AKAIN1: variants seen among roughly 807,000 people sequenced by gnomAD.
The protein encoded by AKAIN1 is A-kinase anchor protein inhibitor 1.
AKAIN1 carries 3 observed loss-of-function variants against 3.7 expected under a neutral mutation model. That is an observed-to-expected ratio of 0.82 (90% CI 0.37 to 2.12). AKAIN1 has a LOEUF of 2.12. Among genes scored for constraint, AKAIN1 ranks in the 30% most tolerant of loss-of-function variants. AKAIN1 has a pLI of 0.06. For synonymous variants in AKAIN1, 31 were observed against 30.8 expected, an observed-to-expected ratio of 1.01 and a Z score of -0.02; for missense variants, 82 against 82.7, an observed-to-expected ratio of 0.99 and a Z score of 0.03.
chr18:5,160,869 T>C (rs975647272), intron 1 of AKAIN1, among the ~76,000 whole-genome samples: 5 of 152,232 alleles, frequency 3.3e-5, no homozygotes, highest in African/African-American at 9.6e-5. Context: ...TCCATATATG[T>C]GGTGGGCTGT....
intron 1 of AKAIN1, among the ~76,000 whole-genome samples, chr18:5,149,686 G>A (rs1225556244): frequency 2.0e-5 from 3 of 152,112 alleles, no homozygotes. Flanking sequence ...TCCCTCTGAG[G>A]TCATTCCAGC....
At chr18:5,183,841 C>G (rs982939337) in intron 1 of AKAIN1, among the ~76,000 whole-genome samples, 2 of 151,420 alleles carry the variant, frequency 1.3e-5, no homozygotes, top group African/African-American at 4.9e-5. Context: ...TTAAAGATAC[C>G]TTACTTAACA....
chr18:5,155,730 G>A (rs181783952), intron 1 of AKAIN1, among the ~76,000 whole-genome samples: 1 of 152,318 alleles, frequency 6.6e-6, no homozygotes, highest in Admixed American at 6.5e-5. Flanking sequence ...AGCAAAAGTA[G>A]ACACTGTGTG....
At chr18:5,149,518 G>A (rs2071068386) in intron 1 of AKAIN1, among the ~76,000 whole-genome samples, 1 of 152,178 alleles carries the variant, frequency 6.6e-6, no homozygotes, top group South Asian at 2.1e-4. Flanking sequence ...GTACCACCTA[G>A]GTTATCCTCT....
chr18:5,192,508 C>T (rs2071327442), intron 1 of AKAIN1, among the ~76,000 whole-genome samples: 1 of 151,164 alleles, frequency 6.6e-6, no homozygotes, highest in Admixed American at 6.6e-5. Context: ...TCAAACAATT[C>T]TCCTGCCTTG....
At chr18:5,194,983 T>C (rs1002576839) in intron 1 of AKAIN1, among the ~76,000 whole-genome samples, 21 of 152,176 alleles carry the variant, frequency 1.4e-4, no homozygotes, top group Middle Eastern at 6.3e-3. Flanking sequence ...CAAAAGCAAT[T>C]CATTGTTCTG....
At chr18:5,177,623 T>C (rs528464754) in intron 1 of AKAIN1, among the ~76,000 whole-genome samples, 1 of 152,128 alleles carries the variant, frequency 6.6e-6, no homozygotes, top group African/African-American at 2.4e-5. Flanking sequence ...TTAAATAACA[T>C]TAAATATTTA....
Position 5,143,653 on chromosome 18 carries a change from G to A in AKAIN1, c.*1909C>T, listed in dbSNP as rs1350428098. ...GATCCACGTACAAAATGAGCCAAAC[G>A]GCAGAGTCTAGAAAACTTTGCTTAA... is the stretch of plus-strand genomic sequence containing the variant. On this transcript the variant is annotated 3_prime_UTR_variant, in exon 2 of 2. Transcript: ENST00000434239. Among the ~76,000 whole-genome samples the A allele has an allele frequency of 1.3e-5, 2 of 152,086 alleles. No homozygotes were observed. The highest frequency in any genetic ancestry group is 2.9e-5 in the Non-Finnish European group (2 of 68,004).
At chr18:5,146,390 T>A (rs1489008023) in intron 1 of AKAIN1, among the ~76,000 whole-genome samples, 1 of 152,234 alleles carries the variant, frequency 6.6e-6, no homozygotes, top group African/African-American at 2.4e-5. Context: ...GTACCAGCCC[T>A]GGGCCACGTA....
chr18:5,159,500 G>T (rs1402890120), intron 1 of AKAIN1: 1 of 152,170 alleles, frequency 6.6e-6, no homozygotes, highest in African/African-American at 2.4e-5. Context: ...TTATCTAACT[G>T]AAATTGTAGA....
intron 1 of AKAIN1, among the ~76,000 whole-genome samples, chr18:5,165,802 G>T (rs2071164687): frequency 6.6e-6 from 1 of 152,044 alleles, no homozygotes; most frequent in Non-Finnish European, 1.5e-5. Context: ...CTTGGCTCAG[G>T]ATCCTTCACA....
chr18:5,179,054 A>G (rs147144825), intron 1 of AKAIN1, among the ~76,000 whole-genome samples: 1 of 152,274 alleles, frequency 6.6e-6, no homozygotes, highest in East Asian at 1.9e-4. Context: ...TCAAAGCACC[A>G]TTTTTTAAAA....
At chr18:5,197,516 A>AAAAAAAC, upstream of AKAIN1, 1 of 1,211,932 alleles carries the variant, frequency 8.3e-7, no homozygotes, top group Non-Finnish European at 1.0e-6. This position sits in a 1 kb window ranked among gnomAD's most constrained non-coding sequence, Gnocchi z 6.9. Flanking sequence ...AAAAAAAAAA[A>AAAAAAAC]CTCTAAGAGC....
intron 1 of AKAIN1, among the ~76,000 whole-genome samples, chr18:5,188,145 G>A (rs1433033690): frequency 1.3e-5 from 2 of 152,122 alleles, no homozygotes; most frequent in East Asian, 3.9e-4. Flanking sequence ...TGGGACAGGA[G>A]TTGGGCCTCA....
At chr18:5,177,786 G>A (rs1027639831) in intron 1 of AKAIN1, among the ~76,000 whole-genome samples, 2 of 152,058 alleles carry the variant, frequency 1.3e-5, no homozygotes, top group African/African-American at 4.8e-5. Flanking sequence ...TAATTTCCCT[G>A]TTTGAAATCT....
At chr18:5,171,219 A>T (rs1446623555) in intron 1 of AKAIN1, among the ~76,000 whole-genome samples, 1 of 152,176 alleles carries the variant, frequency 6.6e-6, no homozygotes, top group Non-Finnish European at 1.5e-5. Context: ...TGAACTCTTA[A>T]ACAATATGCT....
In AKAIN1 at chr18:5,160,962, T is replaced by G. The variant is rs541939516; in HGVS notation, c.17-15207A>C. On this transcript the variant is annotated intron_variant, in intron 1 of 1. Transcript: ENST00000434239. ...TTAAATACTAGTACTTTATAAGCCTTAACATCTGGAACAGCAAGTCTCTCC... is the reference window on the plus strand; with the variant it reads ...TTAAATACTAGTACTTTATAAGCCTGAACATCTGGAACAGCAAGTCTCTCC... Among the ~76,000 whole-genome samples, 8 of 152,230 alleles carry G rather than the reference T, an allele frequency of 5.3e-5. No individual in the cohort carries two copies. The South Asian group carries it at 1.5e-3, about 28-fold the overall frequency.
chr18:5,183,827 C>T (rs1055445131), intron 1 of AKAIN1, among the ~76,000 whole-genome samples: 1 of 151,840 alleles, frequency 6.6e-6, no homozygotes, highest in African/African-American at 2.4e-5. Flanking sequence ...ATATATGTTT[C>T]TGTTTAAAGA....
chr18:5,147,400 T>C (rs1176779743), intron 1 of AKAIN1, among the ~76,000 whole-genome samples: 1 of 152,212 alleles, frequency 6.6e-6, no homozygotes, highest in Non-Finnish European at 1.5e-5. Flanking sequence ...AATCTACCAT[T>C]TGGTTGAAGG....
Sources: gnomAD v4.1 joint callset for allele counts (sites outside exome capture counted in the v4.1 genomes callset) on GRCh38, gnomAD v4.1.1 for gene constraint, Gnocchi (gnomAD v3.1) non-coding constraint, MANE v1.5 for transcripts, NCBI Gene and HGNC (gene_info 2026-07-23, HGNC 2026-07-21) for gene names.